The following NEGR1 variants were observed in gnomAD, a reference collection of about 807,000 sequenced individuals.
NEGR1 encodes the protein neuronal growth regulator 1, also known as IgLON family member 4.
Under a neutral mutation model 40.9 loss-of-function variants are expected in NEGR1, and 10 were observed. That is an observed-to-expected ratio of 0.24 (90% CI 0.15 to 0.42). NEGR1 has a LOEUF of 0.42. Ranked by LOEUF, NEGR1 falls within the 10% of genes least tolerant of loss-of-function variation. The pLI is 1.00. For missense variants in NEGR1, 352 were observed against 438.9 expected (o/e 0.80, Z 1.77); for synonymous variants, 185 against 166.8 (o/e 1.11, Z -0.84).
At position 71,696,355 on chromosome 1, in the gene NEGR1, C is replaced by A. The variant is rs141565424; in HGVS notation, c.667+1653G>T. On this transcript the variant is annotated intron_variant, in intron 4 of 6. Transcript: ENST00000357731. Reference sequence around the variant, plus strand: ...TTGTATATGGAGTATAGGTCCCATGCAAATCTGTACAGCAGCTGGGTTTTC... The same window carrying A: ...TTGTATATGGAGTATAGGTCCCATGAAAATCTGTACAGCAGCTGGGTTTTC... Among the ~76,000 whole-genome samples, 572 of 151,818 alleles carry A rather than the reference C, an allele frequency of 3.8e-3. 3 individuals carry two copies. The highest frequency in any genetic ancestry group is 0.012 in the African/African-American group (512 of 41,496).
intron 6 of NEGR1, among the ~76,000 whole-genome samples, chr1:71,525,003 G>T (rs548241247): frequency 7.3e-5 from 11 of 151,676 alleles, no homozygotes; most frequent in Non-Finnish European, 1.6e-4. Context: ...TTTAGTCAGG[G>T]AGACCCATTT....
intron 1 of NEGR1, among the ~76,000 whole-genome samples, chr1:72,086,807 T>C (rs1291407691): frequency 6.6e-6 from 1 of 152,162 alleles, no homozygotes; most frequent in Non-Finnish European, 1.5e-5. Context: ...AATTATATTT[T>C]TTACTTTTTA....
intron 2 of NEGR1, among the ~76,000 whole-genome samples, chr1:71,902,774 T>C (rs1434466464): frequency 2.0e-5 from 3 of 152,160 alleles, no homozygotes; most frequent in South Asian, 2.1e-4. Context: ...GAATATACAA[T>C]GTTTAAAATA....
intron 2 of NEGR1, among the ~76,000 whole-genome samples, chr1:71,867,216 A>AT (rs994019939): frequency 6.6e-6 from 1 of 152,182 alleles, no homozygotes; most frequent in African/African-American, 2.4e-5. Flanking sequence ...TCTACTAAAA[A>AT]TACAAAAAAT....
chr1:71,435,271 A>G (rs978895805), intron 6 of NEGR1, among the ~76,000 whole-genome samples: 3 of 152,192 alleles, frequency 2.0e-5, no homozygotes, highest in Non-Finnish European at 4.4e-5. Flanking sequence ...TAATATGATT[A>G]GAGAAGAATT....
chr1:71,769,628 C>T (rs905000744), intron 3 of NEGR1, among the ~76,000 whole-genome samples: 2 of 152,000 alleles, frequency 1.3e-5, no homozygotes, highest in East Asian at 1.9e-4. Context: ...GATGCCACCA[C>T]GTGAAGGACA....
chr1:71,928,374 A>ATATGTGTATGTATATATGTG (rs796666585), intron 2 of NEGR1, among the ~76,000 whole-genome samples: 1 of 73,574 alleles, frequency 1.4e-5, no homozygotes, highest in Non-Finnish European at 2.7e-5. Flanking sequence ...ACATATGTAT[A>ATATGTGTATGTATATATGTG]TATGTATATA....
Position 71,396,030 on chromosome 1 carries a change from A to G in NEGR1, c.*11416T>C, listed in dbSNP as rs1646209387. ...ACTGAAGCCCCATTCCAGAGAAGAC[A>G]TTGCTTTTTATGATAGATCCAGGCA... On this transcript the variant is annotated 3_prime_UTR_variant, in exon 7 of 7. Transcript: ENST00000357731. The G allele has an allele frequency of 6.6e-6, 1 of 152,172 alleles. No homozygotes were observed. Among genetic ancestry groups the G allele is most frequent in the Admixed American group, 6.5e-5 (1 of 15,274 alleles). 9.4% of individuals were successfully genotyped at this position (152,172 alleles called of 1,614,324 possible).
At chr1:72,258,704 A>C (rs1265920516) in intron 1 of NEGR1, among the ~76,000 whole-genome samples, 1 of 152,080 alleles carries the variant, frequency 6.6e-6, no homozygotes, top group East Asian at 1.9e-4. Flanking sequence ...AAAATTCAAA[A>C]TGATAATGAG....
chr1:72,214,807 C>T (rs369442311), intron 1 of NEGR1, among the ~76,000 whole-genome samples: 19 of 151,358 alleles, frequency 1.3e-4, no homozygotes, highest in South Asian at 4.2e-4. Flanking sequence ...AGATTCAATG[C>T]TATTCCCATC....
At chr1:72,233,206 C>T (rs1253582952) in intron 1 of NEGR1, among the ~76,000 whole-genome samples, 3 of 152,150 alleles carry the variant, frequency 2.0e-5, no homozygotes, top group Non-Finnish European at 2.9e-5. Context: ...AAGAACAATA[C>T]ATAAAAGCTA....
chr1:71,688,351 T>TAGATAGAC (rs1653119313), intron 4 of NEGR1, among the ~76,000 whole-genome samples: 1 of 50,252 alleles, frequency 2.0e-5, no homozygotes, highest in Non-Finnish European at 4.1e-5. Context: ...GATAGATAGA[T>TAGATAGAC]AGATTATATA....
chr1:71,492,665 A>G (rs897683770), intron 6 of NEGR1, among the ~76,000 whole-genome samples: 1 of 152,068 alleles, frequency 6.6e-6, no homozygotes, highest in Non-Finnish European at 1.5e-5. Context: ...GTATGAAAAT[A>G]TTTACTGAAT....
At chr1:71,942,770 G>A (rs1376445332) in intron 1 of NEGR1, among the ~76,000 whole-genome samples, 3 of 147,306 alleles carry the variant, frequency 2.0e-5, no homozygotes, top group Non-Finnish European at 4.5e-5. Flanking sequence ...CCAAAGTGCT[G>A]GGATTACAGG....
chr1:72,021,464 C>G lies in NEGR1; in HGVS notation c.177-86153G>C, dbSNP rs1242695029. On this transcript the variant is annotated intron_variant, in intron 1 of 6. Coordinates refer to ENST00000357731, the MANE Select transcript of NEGR1 (RefSeq NM_173808.3). ...AGGTATAACAGAGGATCATAACATA[C>G]CAAACCTCAAGAAAATTAATATTAG... 2.6e-5 allele frequency among the ~76,000 whole-genome samples: 4 copies of G among 151,942 alleles called. No homozygotes were observed. The East Asian group carries it at 5.8e-4, about 22-fold the overall frequency.
intron 2 of NEGR1, among the ~76,000 whole-genome samples, chr1:71,842,941 G>C (rs1447769623): frequency 6.6e-6 from 1 of 152,098 alleles, no homozygotes; most frequent in East Asian, 1.9e-4. Flanking sequence ...GGAGATAGAG[G>C]ATTATAACAC....
intron 2 of NEGR1, among the ~76,000 whole-genome samples, chr1:71,782,253 C>T (rs1016876451): frequency 5.9e-5 from 9 of 152,136 alleles, no homozygotes; most frequent in African/African-American, 2.2e-4. Flanking sequence ...GAGAAAGTGT[C>T]ATCCATGAGA....
chr1:72,155,338 A>G (rs1389333779), intron 1 of NEGR1, among the ~76,000 whole-genome samples: 1 of 152,050 alleles, frequency 6.6e-6, no homozygotes, highest in African/African-American at 2.4e-5. Flanking sequence ...TGTCCAAATC[A>G]CAAGTTAAGG....
At chr1:71,633,904 T>C (rs1379471159) in intron 4 of NEGR1, among the ~76,000 whole-genome samples, 1 of 152,078 alleles carries the variant, frequency 6.6e-6, no homozygotes, top group South Asian at 2.1e-4. Context: ...GACTGGAATA[T>C]AGGTTCACTT....
Sources: gnomAD v4.1 joint callset for allele counts (sites outside exome capture counted in the v4.1 genomes callset) on GRCh38, gnomAD v4.1.1 for gene constraint, MANE v1.5 for transcripts, NCBI Gene and HGNC (gene_info 2026-07-23, HGNC 2026-07-21) for gene names.